Variants in MYNN observed in about 807,000 individuals in gnomAD.
The protein encoded by MYNN is zinc finger and BTB domain-containing protein 31.
A neutral mutation model predicts 57.2 loss-of-function variants in MYNN; 22 were observed. The observed-to-expected ratio is 0.38, with a 90% CI of 0.27 to 0.55. The LOEUF is 0.55. Ranked by LOEUF, MYNN falls within the 20% of genes least tolerant of loss-of-function variation. The pLI, the probability that MYNN is intolerant of heterozygous loss-of-function variation, is 0.71. For synonymous variants in MYNN, 241 were observed against 257.1 expected (o/e 0.94, Z 0.60); for missense variants, 566 against 723.1 (o/e 0.78, Z 2.49).
rs768267689 is a variant in MYNN, at chr3:169,786,478, C to G, written c.1633C>G (p.Gln545Glu). The change falls in exon 8 of 8, where the codon CAA (glutamine) becomes GAA (glutamate). Residue 545 changes from glutamine to glutamate, a missense_variant. Physicochemically the swap from Gln to Glu is conservative, Grantham distance 29. Coordinates refer to ENST00000349841, the MANE Select transcript of MYNN (RefSeq NM_018657.5). Reference sequence around the variant, plus strand: ...TACTTTGAGTGAACAGGATTCCATACAAAAAAGTCCTTTATCAGAAACTAT... The same window carrying G: ...TACTTTGAGTGAACAGGATTCCATAGAAAAAAGTCCTTTATCAGAAACTAT... ...DHTLSEQDSI[Q>E]KSPLSETMDV... 1 of 1,613,400 alleles carries G rather than the reference C, an allele frequency of 6.2e-7. No homozygotes were observed. Among genetic ancestry groups the G allele is most frequent in the South Asian group, 1.1e-5 (1 of 91,058 alleles).
rs1284122653 is a variant in MYNN at position 169,787,607 on chromosome 3, G to T, written c.*929G>T. 1 of 151,912 alleles carries T rather than the reference G, an allele frequency of 6.6e-6. No individual in the cohort carries two copies. Among genetic ancestry groups the T allele is most frequent in the Non-Finnish European group, 1.5e-5 (1 of 67,934 alleles). 9.4% of individuals were successfully genotyped at this position (151,912 alleles called of 1,614,324 possible). A position where few individuals can be genotyped will look rare whatever the true frequency, so the allele number is the denominator to read the frequency against. On this transcript the variant is annotated 3_prime_UTR_variant, in exon 8 of 8. Coordinates refer to ENST00000349841, the MANE Select transcript of MYNN (RefSeq NM_018657.5). ...AGAAATCACTTGGCTTCTAAATTTG[G>T]TACATTATATTGCATAAAGAGTTAA... is the stretch of plus-strand genomic sequence containing the variant.
At chr3:169,780,435 G>T in intron 3 of MYNN, 155 bp from the exon 4 acceptor site, 1 of 501,076 alleles carries the variant, frequency 2.0e-6, no homozygotes, top group Non-Finnish European at 3.4e-6. Flanking sequence ...GATTCTACTG[G>T]TGTTTTCAGT....
Position 169,780,620 on chromosome 3 carries a change from A to T in MYNN, c.1091A>T (p.Asp364Val), listed in dbSNP as rs767228827. 3.1e-6 allele frequency: 5 copies of T among 1,609,962 alleles called. No homozygotes were observed. Among genetic ancestry groups the T allele is most frequent in the Non-Finnish European group, 8.5e-7 (1 of 1,178,768 alleles). The change falls in exon 4 of 8, where the codon GAT (aspartate) becomes GTT (valine). Residue 364 changes from aspartate (D) to valine (V), a missense_variant. Asp to Val is a radical substitution (Grantham distance 152). Transcript: ENST00000349841. ...AAGCCATACAAATGTGAATTGTGTG[A>T]TAAAGGATTTGCTCAGAAATGTCAG... ...GEKPYKCELC[D>V]KGFAQKCQLV...
In MYNN at chr3:169,779,504, T is replaced by C; in HGVS notation, c.1003T>C (p.Cys335Arg). 1 of 1,614,238 alleles carries C rather than the reference T, an allele frequency of 6.2e-7. No individual in the cohort carries two copies. Among genetic ancestry groups the C allele is most frequent in the Non-Finnish European group, 8.5e-7 (1 of 1,180,046 alleles). Reference sequence around the variant, plus strand: ...AGTCAAACCTTACGTCTGCCACTTATGTGGAAAGGCATTTACCCAATGTAA... The same window carrying C: ...AGTCAAACCTTACGTCTGCCACTTACGTGGAAAGGCATTTACCCAATGTAA... ...KGVKPYVCHLCGKAFTQCNQL... is the reference protein window; with the variant it reads ...KGVKPYVCHLRGKAFTQCNQL... The change falls in exon 3 of 8, where the codon TGT (cysteine) becomes CGT (arginine). Residue 335 changes from cysteine (C) to arginine (R), a missense_variant. Cys to Arg is a radical substitution (Grantham distance 180, BLOSUM62 -3). Coordinates refer to ENST00000349841, the MANE Select transcript of MYNN (RefSeq NM_018657.5).
At position 169,779,073 on chromosome 3, in the gene MYNN, C is replaced by T. The variant is rs763705502; in HGVS notation, c.572C>T (p.Thr191Ile). The change falls in exon 3 of 8, where the codon ACA becomes ATA. Residue 191 changes from threonine to isoleucine, a missense_variant. Thr to Ile is a moderately conservative substitution (Grantham distance 89, BLOSUM62 -1). Around this residue, in one of 4 missense-constraint regions of MYNN, gnomAD observed 261 missense variants for 280.8 expected, o/e 0.93. Coordinates refer to ENST00000349841, the MANE Select transcript of MYNN (RefSeq NM_018657.5). The stretch of plus-strand genomic sequence containing the variant: ...AAGAAGGCTTTCAACTCCCCGAAAA[C>T]AGGGCAGAATAAAACAGTGCAATAT... ...KKKKAFNSPKTGQNKTVQYPS... is the reference protein window; with the variant it reads ...KKKKAFNSPKIGQNKTVQYPS... The T allele has an allele frequency of 4.3e-6, 7 of 1,614,032 alleles. No homozygotes were observed. Among genetic ancestry groups the T allele is most frequent in the East Asian group, 2.2e-5 (1 of 44,908 alleles).
At chr3:169,786,307 G>T in intron 7 of MYNN, 109 bp from the exon 8 acceptor site, 1 of 1,041,730 alleles carries the variant, frequency 9.6e-7, no homozygotes, top group South Asian at 1.6e-5. Flanking sequence ...CTTGAGTAAA[G>T]GTATGGTGGT....
intron 1 of MYNN, chr3:169,773,927 A>C: frequency 4.8e-6 from 1 of 209,150 alleles, no homozygotes; most frequent in Non-Finnish European, 9.8e-6. Context: ...ATCATGTCTT[A>C]GTGGTTTAAA....
intron 3 of MYNN, 64 bp from the exon 4 acceptor site, chr3:169,780,526 C>G (rs1000747482): frequency 4.1e-6 from 5 of 1,218,028 alleles, no homozygotes; most frequent in Non-Finnish European, 5.7e-6. Flanking sequence ...TTGATGAAAT[C>G]TTATATGACT....
Position 169,786,952 on chromosome 3 carries a change from AT to A in MYNN, c.*279del. 1 of 314,816 alleles carries A rather than the reference AT, an allele frequency of 3.2e-6. No individual in the cohort carries two copies. The highest frequency in any genetic ancestry group is 5.3e-5 in the South Asian group (1 of 19,040). The allele number at this position is 314,816 out of a possible 1,614,324, so 19.5% of individuals were successfully genotyped here. ...TTTCTTTTAAAGCTGCCTTAATTCC[AT>A]TTTTATTTTGCATTTTAGAATTGCC... On this transcript the variant is annotated 3_prime_UTR_variant, in exon 8 of 8. Coordinates refer to ENST00000349841, the MANE Select transcript of MYNN (RefSeq NM_018657.5).
Position 169,774,535 on chromosome 3 carries a change from A to AT in MYNN, c.241dup (p.Tyr81LeufsTer8). 1 of 1,613,532 alleles carries AT rather than the reference A, an allele frequency of 6.2e-7. No individual in the cohort carries two copies. The highest frequency in any genetic ancestry group is 8.5e-7 in the Non-Finnish European group (1 of 1,179,602). ...GATTTCAGAAACTGTTGGAGTTTAT[A>AT]TACACAGGAACTTTAAATCTTGACA... On this transcript the variant is annotated frameshift_variant, in exon 2 of 8. Coordinates refer to ENST00000349841, the MANE Select transcript of MYNN (RefSeq NM_018657.5). LOFTEE classifies it high-confidence loss of function.
Position 169,786,959 on chromosome 3 carries a change from T to G in MYNN, c.*281T>G, listed in dbSNP as rs927927191. 3.3e-6 allele frequency: 1 copy of G among 304,474 alleles called. No individual in the cohort carries two copies. The highest frequency in any genetic ancestry group is 2.1e-5 in the African/African-American group (1 of 47,030). 18.9% of individuals were successfully genotyped at this position (304,474 alleles called of 1,614,324 possible). A position where few individuals can be genotyped will look rare whatever the true frequency, so the allele number is the denominator to read the frequency against. ...TAAAGCTGCCTTAATTCCATTTTTA[T>G]TTTGCATTTTAGAATTGCCCTTCAT... is the stretch of plus-strand genomic sequence containing the variant. On this transcript the variant is annotated 3_prime_UTR_variant, in exon 8 of 8. Coordinates refer to ENST00000349841, the MANE Select transcript of MYNN (RefSeq NM_018657.5).
Position 169,779,236 on chromosome 3 carries a change from T to C in MYNN, c.735T>C (p.Phe245=), listed in dbSNP as rs767642313. ...TGACATCAGTTGTGGAAAATACTTT[T>C]CCAGCACAAGATATTGTGCACACTG... ...LELTSVVENT[F]PAQDIVHTVT... The change falls in exon 3 of 8, where the codon TTT becomes TTC. Residue 245 remains phenylalanine, a synonymous_variant. Transcript: ENST00000349841. 2 of 1,614,182 alleles carry C rather than the reference T, an allele frequency of 1.2e-6. No individual in the cohort carries two copies. The highest frequency in any genetic ancestry group is 1.7e-6 in the Non-Finnish European group (2 of 1,180,044).
At chr3:169,781,544 C>T (rs1015787080) in intron 4 of MYNN, among the ~76,000 whole-genome samples, 5 of 152,156 alleles carry the variant, frequency 3.3e-5, no homozygotes, top group East Asian at 1.9e-4. Context: ...AATCAAAAGA[C>T]GGCCCTGAGG....
chr3:169,776,738 C>CT lies in MYNN; in HGVS notation c.267-2029dup, dbSNP rs1379645947. Among the ~76,000 whole-genome samples, 14 of 118,308 alleles carry CT rather than the reference C, an allele frequency of 1.2e-4. No homozygotes were observed. The East Asian group carries it at 3.7e-3, about 31-fold the overall frequency. The allele number at this position is 118,308 out of a possible 152,430, so 77.6% of individuals were successfully genotyped here. A position where few individuals can be genotyped will look rare whatever the true frequency, so the allele number is the denominator to read the frequency against. The stretch of plus-strand genomic sequence containing the variant: ...TTTTTTTTTGAGATGGAGTCTCACT[C>CT]TGTCACCCAGGCTGGAGTGCAATGG... On this transcript the variant is annotated intron_variant, in intron 2 of 7. Transcript: ENST00000349841.
In MYNN at chr3:169,785,140, C is replaced by T. The variant is rs1222095498; in HGVS notation, c.1570+432C>T. On this transcript the variant is annotated intron_variant, in intron 7 of 7. Transcript: ENST00000349841. Reference sequence around the variant, plus strand: ...TAAGAGGAAATAGGGAAACAGGTAGCCCTACATTGTTATAATATATAAAAA... The same window carrying T: ...TAAGAGGAAATAGGGAAACAGGTAGTCCTACATTGTTATAATATATAAAAA... Among the ~76,000 whole-genome samples the T allele has an allele frequency of 3.3e-5, 5 of 151,192 alleles. No individual in the cohort carries two copies. The East Asian group carries it at 9.8e-4, about 30-fold the overall frequency.
At position 169,789,170 on chromosome 3, in the gene MYNN, G is replaced by A. The variant is rs1371997238; in HGVS notation, c.*2492G>A. ...TAGATTATATAAAAATTTTTTTGCT[G>A]TTTTTAAATGGCATTTGTCTTATGT... On this transcript the variant is annotated 3_prime_UTR_variant, in exon 8 of 8. Transcript: ENST00000349841. 1 of 151,998 alleles carries A rather than the reference G, an allele frequency of 6.6e-6. No individual in the cohort carries two copies. Among genetic ancestry groups the A allele is most frequent in the East Asian group, 1.9e-4 (1 of 5,196 alleles). 9.4% of individuals were successfully genotyped at this position (151,998 alleles called of 1,614,324 possible). A position where few individuals can be genotyped will look rare whatever the true frequency, so the allele number is the denominator to read the frequency against.
intron 4 of MYNN, among the ~76,000 whole-genome samples, chr3:169,781,856 A>C (rs1272431841): frequency 6.6e-6 from 1 of 152,156 alleles, no homozygotes; most frequent in Non-Finnish European, 1.5e-5. Flanking sequence ...GTTTTGGTAA[A>C]GGGGAGCAGA....
In MYNN at chr3:169,774,277, A is replaced by T. The variant is rs577077796; in HGVS notation, c.-19A>T. Reference sequence around the variant, plus strand: ...TTTTGTCTTTTAGATCAAGGGTAAAATTCCATTCTGATATCAAAATGCAGT... The same window carrying T: ...TTTTGTCTTTTAGATCAAGGGTAAATTTCCATTCTGATATCAAAATGCAGT... On this transcript the variant is annotated 5_prime_UTR_variant, in exon 2 of 8. Coordinates refer to ENST00000349841, the MANE Select transcript of MYNN (RefSeq NM_018657.5). 15 of 1,610,132 alleles carry T rather than the reference A, an allele frequency of 9.3e-6. No individual in the cohort carries two copies. The East Asian group carries it at 1.6e-4, about 17-fold the overall frequency.
chr3:169,781,476 A>T (rs1778514777), intron 4 of MYNN, among the ~76,000 whole-genome samples: 1 of 152,230 alleles, frequency 6.6e-6, no homozygotes, highest in South Asian at 2.1e-4. Flanking sequence ...AGCATATGAC[A>T]GTATTTAAAG....
Sources: gnomAD v4.1 joint callset for allele counts (sites outside exome capture counted in the v4.1 genomes callset) on GRCh38, gnomAD v4.1.1 for gene constraint, gnomAD v4.1.1 regional missense constraint, MANE v1.5 for transcripts, NCBI Gene and HGNC (gene_info 2026-07-23, HGNC 2026-07-21) for gene names.